ZMYM1: variants seen among roughly 807,000 people sequenced by gnomAD.
The protein encoded by ZMYM1 is zinc finger MYM-type containing 1, also known as zinc finger MYM-type protein 1.
In ZMYM1, 39 loss-of-function variants were observed where a neutral mutation model predicts 60.0. That is an observed-to-expected ratio of 0.65 (90% CI 0.50 to 0.85). The LOEUF (loss-of-function observed/expected upper bound fraction) is 0.85, where lower values mean the gene tolerates loss of function less well. Among genes scored for constraint, ZMYM1 ranks in the 40% least tolerant of loss-of-function variants. The pLI is 0.00. For missense variants in ZMYM1, 1,171 were observed against 1,309.5 expected (o/e 0.89, Z 1.63); for synonymous variants, 413 against 454.0 (o/e 0.91, Z 1.15).
At chr1:35,078,569 G>C (rs1245034877), upstream of ZMYM1, among the ~76,000 whole-genome samples, 1 of 69,636 alleles carries the variant, frequency 1.4e-5, no homozygotes, top group Non-Finnish European at 2.4e-5. Context: ...TTTTTTTTGA[G>C]ACGCAGTCTC....
intron 7 of ZMYM1, among the ~76,000 whole-genome samples, chr1:35,110,803 G>T (rs1471502738): frequency 6.6e-6 from 1 of 151,988 alleles, no homozygotes; most frequent in Non-Finnish European, 1.5e-5. Flanking sequence ...GCGTGTTGGT[G>T]GGTCCCTGTA....
At position 35,112,074 on chromosome 1, in the gene ZMYM1, T is replaced by C. The variant is rs758688377; in HGVS notation, c.1103-13T>C. ...AGTATATAAGATCTTGAATTTATGC[T>C]CTATTTTAACAGATACAGTTTCTTC... On this transcript the variant is annotated splice_polypyrimidine_tract_variant and intron_variant, in intron 8 of 9. Coordinates refer to ENST00000359858, the MANE Select transcript of ZMYM1 (RefSeq NM_024772.5). 6.2e-7 allele frequency: 1 copy of C among 1,611,016 alleles called. No individual in the cohort carries two copies. Among genetic ancestry groups the C allele is most frequent in the South Asian group, 1.1e-5 (1 of 90,362 alleles).
intron 7 of ZMYM1, among the ~76,000 whole-genome samples, chr1:35,111,254 C>T (rs1305733792): frequency 6.6e-6 from 1 of 152,084 alleles, no homozygotes; most frequent in Non-Finnish European, 1.5e-5. Flanking sequence ...ATCAAAAAGC[C>T]TCATGTAGGA....
chr1:35,088,960 C>T (rs1347315545), intron 1 of ZMYM1, among the ~76,000 whole-genome samples: 3 of 151,668 alleles, frequency 2.0e-5, no homozygotes, highest in Admixed American at 2.0e-4. Context: ...TACAGGCGCC[C>T]ACCACCACGC....
In ZMYM1 at chr1:35,108,113, A is replaced by AAAAT. The variant is rs546330155; in HGVS notation, c.808-2165_808-2162dup. ...GACAACAGAGCAAGACTCTGTCTCAAAAATAAATAAATAAATAAAAATAAA... is the reference window on the plus strand; with the variant it reads ...GACAACAGAGCAAGACTCTGTCTCAAAAATAAATAAATAAATAAATAAAAATAAA... On this transcript the variant is annotated intron_variant, in intron 6 of 9. Coordinates refer to ENST00000359858, the MANE Select transcript of ZMYM1 (RefSeq NM_024772.5). Among the ~76,000 whole-genome samples the AAAAT allele has an allele frequency of 1.8e-3, 274 of 152,286 alleles. 4 individuals are homozygous for AAAAT. Among genetic ancestry groups the AAAAT allele is most frequent in the African/African-American group, 5.7e-3 (236 of 41,568 alleles).
rs1644095227 is a variant in ZMYM1 at position 35,111,792 on chromosome 1, C to T, written c.982C>T (p.His328Tyr). ...SSSVSVVSVV[H>Y]DTSTELLSPK... ...GTCAGTAAGTGTTGTTTCTGTGGTG[C>T]ATGATACTTCAACAGAGCTTCTTTC... The change falls in exon 8 of 10, where the codon CAT (histidine) becomes TAT (tyrosine). Residue 328 changes from histidine to tyrosine, a missense_variant. By Grantham distance (83) the His-to-Tyr change is moderately conservative. Coordinates refer to ENST00000359858, the MANE Select transcript of ZMYM1 (RefSeq NM_024772.5). 8 of 1,601,132 alleles carry T rather than the reference C, an allele frequency of 5.0e-6. No homozygotes were observed. In the African/African-American group the frequency reaches 6.7e-5, roughly 13 times the overall value.
intron 1 of ZMYM1, among the ~76,000 whole-genome samples, chr1:35,080,313 T>G (rs551540098): frequency 2.9e-4 from 42 of 145,332 alleles, no homozygotes; most frequent in African/African-American, 9.5e-4. Context: ...TATTTGTGCT[T>G]CTTTTTTTTT....
chr1:35,113,942 T>G lies in ZMYM1; in HGVS notation c.2112T>G (p.Ile704Met). Residue 704 changes from isoleucine to methionine, a missense_variant, in exon 10 of 10, where the codon ATT becomes ATG. Ile to Met is a conservative substitution (Grantham distance 10). Coordinates refer to ENST00000359858, the MANE Select transcript of ZMYM1 (RefSeq NM_024772.5). ...CTATCAAAACTTATCTGCAGCAAAT[T>G]GGAGTTGATATGGATAAAATACATG... ...HRTIKTYLQQIGVDMDKIHGQ... is the reference protein window; with the variant it reads ...HRTIKTYLQQMGVDMDKIHGQ... 6.2e-7 allele frequency: 1 copy of G among 1,613,896 alleles called. No individual in the cohort carries two copies. Among genetic ancestry groups the G allele is most frequent in the Non-Finnish European group, 8.5e-7 (1 of 1,179,892 alleles).
intron 1 of ZMYM1, among the ~76,000 whole-genome samples, chr1:35,062,168 G>C (rs906417725): frequency 1.3e-5 from 2 of 151,996 alleles, no homozygotes; most frequent in Admixed American, 1.3e-4. Context: ...TCAATTATTC[G>C]CATTCTAGTC....
At chr1:35,095,001 C>G (rs1272649482) in intron 2 of ZMYM1, among the ~76,000 whole-genome samples, 4 of 151,798 alleles carry the variant, frequency 2.6e-5, no homozygotes, top group Non-Finnish European at 5.9e-5. Flanking sequence ...GTATGCTTAC[C>G]ATTGAGTTGT....
intron 1 of ZMYM1, among the ~76,000 whole-genome samples, chr1:35,091,111 TG>T (rs1642973915): frequency 6.6e-6 from 1 of 152,104 alleles, no homozygotes; most frequent in Non-Finnish European, 1.5e-5. Flanking sequence ...AACAGGTTTG[TG>T]GGGGTAATAA....
chr1:35,106,841 G>C (rs140806941), intron 6 of ZMYM1, among the ~76,000 whole-genome samples: 137 of 145,840 alleles, frequency 9.4e-4, no homozygotes, highest in African/African-American at 3.5e-3. Context: ...GTTGTTTTTT[G>C]TTGTTGTTGT....
chr1:35,110,551 T>C lies in ZMYM1; in HGVS notation c.961+104T>C, dbSNP rs148889802. ...TTCATTTTCAAATTAAACCGACTTTTAAAAGTCAAAACAATCTAAACTTGT... is the reference window on the plus strand; with the variant it reads ...TTCATTTTCAAATTAAACCGACTTTCAAAAGTCAAAACAATCTAAACTTGT... On this transcript the variant is annotated intron_variant, in intron 7 of 9. Transcript: ENST00000359858. 167 of 1,002,994 alleles carry C rather than the reference T, an allele frequency of 1.7e-4. 1 individual carries two copies. Among genetic ancestry groups the C allele is most frequent in the Non-Finnish European group, 2.1e-4 (160 of 762,886 alleles). 62.1% of individuals were successfully genotyped at this position (1,002,994 alleles called of 1,614,324 possible). A position where few individuals can be genotyped will look rare whatever the true frequency, so the allele number is the denominator to read the frequency against.
chr1:35,105,401 T>G (rs1396428924), intron 6 of ZMYM1, among the ~76,000 whole-genome samples: 3 of 152,102 alleles, frequency 2.0e-5, no homozygotes, highest in African/African-American at 7.2e-5. Flanking sequence ...CCTCCCAAAG[T>G]GCTGGGATTA....
intron 1 of ZMYM1, among the ~76,000 whole-genome samples, chr1:35,073,141 T>A (rs1349270544): frequency 6.7e-6 from 1 of 149,826 alleles, no homozygotes; most frequent in Non-Finnish European, 1.5e-5. Flanking sequence ...ATGCCTGTAG[T>A]CCCAGCTACT....
At chr1:35,107,263 A>G (rs917982174) in intron 6 of ZMYM1, among the ~76,000 whole-genome samples, 1 of 148,062 alleles carries the variant, frequency 6.8e-6, no homozygotes, top group Admixed American at 6.7e-5. Context: ...GATCGAGACC[A>G]TCCTGGCTAA....
chr1:35,068,637 C>T (rs1017806494), intron 1 of ZMYM1, among the ~76,000 whole-genome samples: 74 of 139,258 alleles, frequency 5.3e-4, no homozygotes, highest in Admixed American at 7.7e-4. Flanking sequence ...GAAATCCATA[C>T]GCAAAAAAAA....
intron 1 of ZMYM1, among the ~76,000 whole-genome samples, chr1:35,073,345 G>A (rs1642105707): frequency 7.1e-6 from 1 of 141,512 alleles, no homozygotes; most frequent in Admixed American, 7.3e-5. Flanking sequence ...AAGAAAGGAA[G>A]GAAGGAAGGA....
At chr1:35,101,798 A>C (rs916233333) in intron 4 of ZMYM1, among the ~76,000 whole-genome samples, 6 of 151,548 alleles carry the variant, frequency 4.0e-5, no homozygotes, top group Admixed American at 2.0e-4. Context: ...TGATCTGCCC[A>C]CCTTGGCCTC....
Sources: allele counts gnomAD v4.1 joint callset (sites outside exome capture counted in the v4.1 genomes callset), GRCh38; gene constraint gnomAD v4.1.1; transcripts MANE v1.5; gene names NCBI Gene and HGNC (gene_info 2026-07-23, HGNC 2026-07-21).